The following KDM2B variants were observed in gnomAD, a reference collection of about 807,000 sequenced individuals.
The protein encoded by KDM2B is lysine-specific demethylase 2B.
A neutral mutation model predicts 150.0 loss-of-function variants in KDM2B; 26 were observed. That is an observed-to-expected ratio of 0.17 (90% confidence interval 0.13 to 0.24). The LOEUF (loss-of-function observed/expected upper bound fraction) is 0.24. Among genes scored for constraint, KDM2B ranks in the 10% least tolerant of loss-of-function variants. KDM2B has a pLI of 1.00. For synonymous variants in KDM2B, 734 were observed against 729.5 expected (o/e 1.01, Z -0.10); for missense variants, 1,265 against 1,816.9 (o/e 0.70, Z 5.52).
chr12:121,484,092 G>A (rs1258748641), intron 12 of KDM2B, among the ~76,000 whole-genome samples: 1 of 152,132 alleles, frequency 6.6e-6, no homozygotes, highest in Non-Finnish European at 1.5e-5. Flanking sequence ...GAGGAAGCTG[G>A]AGAAATCAAT....
chr12:121,478,167 G>A (rs528655148), intron 12 of KDM2B, among the ~76,000 whole-genome samples: 114 of 151,976 alleles, frequency 7.5e-4, no homozygotes, highest in African/African-American at 2.6e-3. Flanking sequence ...GAGCCACTGC[G>A]TCCAGCTTCC....
intron 12 of KDM2B, among the ~76,000 whole-genome samples, chr12:121,475,892 A>C (rs781846811): frequency 7.9e-5 from 12 of 151,540 alleles, no homozygotes; most frequent in Non-Finnish European, 1.5e-4. Flanking sequence ...GGCCAGGGGC[A>C]GTGGCTCACA....
chr12:121,442,696 G>A lies in KDM2B; in HGVS notation c.2745C>T (p.Pro915=), dbSNP rs1276456783. The change falls in exon 19 of 23, where the codon CCC becomes CCT. Residue 915 remains proline, a synonymous_variant. Coordinates refer to ENST00000377071, the MANE Select transcript of KDM2B (RefSeq NM_032590.5). This position sits in a 1 kb window ranked among gnomAD's most constrained non-coding sequence, Gnocchi z 7.7. The part of the protein sequence containing the change: ...RESDHSRSSS[P]TAGPSTEGAE... ...CCCCTTCGGTGCTGGGTCCCGCGGT[G>A]GGGGAGCTGGAGCGGGAGTGGTCGC... 4.4e-6 allele frequency: 7 copies of A among 1,596,008 alleles called. No individual in the cohort carries two copies. Among genetic ancestry groups the A allele is most frequent in the Non-Finnish European group, 6.0e-6 (7 of 1,171,720 alleles).
At chr12:121,438,253 C>CAAA (rs35874014) in intron 22 of KDM2B, among the ~76,000 whole-genome samples, 10 of 97,174 alleles carry the variant, frequency 1.0e-4, no homozygotes, top group African/African-American at 2.9e-4. Context: ...GGCTCCATCT[C>CAAA]AAAAAAAAAA....
Position 121,442,707 on chromosome 12 carries a change from A to T in KDM2B, c.2734T>A (p.Ser912Thr). The change falls in exon 19 of 23, where the codon TCC (serine) becomes ACC (threonine). Residue 912 changes from serine to threonine, a missense_variant. Physicochemically the swap from Ser to Thr is moderately conservative, Grantham distance 58. Around this residue, in one of 11 missense-constraint regions of KDM2B, gnomAD observed 418 missense variants for 402.4 expected, o/e 1.04. Transcript: ENST00000377071. The surrounding 1 kb of genome is among the most constrained non-coding windows in gnomAD (Gnocchi z 7.7). ...PKTRESDHSR[S>T]SSPTAGPSTE... ...CTGGGTCCCGCGGTGGGGGAGCTGG[A>T]GCGGGAGTGGTCGCTCTCCCTGGTC... is the stretch of plus-strand genomic sequence containing the variant. The T allele has an allele frequency of 3.2e-6, 5 of 1,581,458 alleles. No homozygotes were observed. Among genetic ancestry groups the T allele is most frequent in the South Asian group, 2.3e-5 (2 of 87,254 alleles).
At chr12:121,413,414 CCTT>C in the KDM2B span, among the ~76,000 whole-genome samples, 2 of 96,698 alleles carry the variant, frequency 2.1e-5, no homozygotes, top group East Asian at 3.9e-4. Flanking sequence ...TTTTACCTGT[CCTT>C]TTTTTTTTTT....
intron 6 of KDM2B, among the ~76,000 whole-genome samples, chr12:121,535,080 AT>A (rs1887977141): frequency 6.6e-6 from 1 of 151,996 alleles, no homozygotes; most frequent in African/African-American, 2.4e-5. Context: ...TCATCTCCTC[AT>A]TCATTCAACC....
At chr12:121,529,381 T>G (rs1395296121) in intron 8 of KDM2B, among the ~76,000 whole-genome samples, 1 of 152,120 alleles carries the variant, frequency 6.6e-6, no homozygotes, top group Non-Finnish European at 1.5e-5. Flanking sequence ...GAGGTCAGTG[T>G]GGCAGGAGGA....
At chr12:121,534,156 T>C (rs1028069952) in intron 7 of KDM2B, among the ~76,000 whole-genome samples, 7 of 152,136 alleles carry the variant, frequency 4.6e-5, no homozygotes, top group Admixed American at 1.3e-4. Flanking sequence ...GAGACCATCC[T>C]GGCTAACACG....
intron 11 of KDM2B, among the ~76,000 whole-genome samples, chr12:121,498,114 A>G (rs1884163733): frequency 6.6e-6 from 1 of 152,090 alleles, no homozygotes. Context: ...TAAATAAATA[A>G]ATAAATAAAG....
chr12:121,506,564 G>T (rs1342366392), intron 11 of KDM2B, among the ~76,000 whole-genome samples: 2 of 152,144 alleles, frequency 1.3e-5, no homozygotes, highest in African/African-American at 4.8e-5. Context: ...AAGTTCTGGG[G>T]AGGCCGAGGC....
rs185062650 is a variant in KDM2B, at chr12:121,561,488, C to G, written c.398-11850G>C. 1.2e-3 allele frequency among the ~76,000 whole-genome samples: 183 copies of G among 152,258 alleles called. 1 individual carries two copies. The highest frequency in any genetic ancestry group is 4.3e-3 in the African/African-American group (177 of 41,578). On this transcript the variant is annotated intron_variant, in intron 4 of 22. Coordinates refer to ENST00000377071, the MANE Select transcript of KDM2B (RefSeq NM_032590.5). ...AGTTCGAGTGATACGCCCGCCTCAGCCTCCCAAAGTGCTGGGGTTACAGGG... is the reference window on the plus strand; with the variant it reads ...AGTTCGAGTGATACGCCCGCCTCAGGCTCCCAAAGTGCTGGGGTTACAGGG...
downstream of KDM2B, chr12:121,424,210 GCTT>G (rs1872395405): frequency 6.5e-6 from 1 of 152,684 alleles, no homozygotes; most frequent in South Asian, 2.1e-4. Context: ...GCTGCATCTA[GCTT>G]CTTTTATTAG....
At chr12:121,433,112 C>T (rs781922201) in intron 22 of KDM2B, 1 of 456,374 alleles carries the variant, frequency 2.2e-6, no homozygotes, top group Admixed American at 2.3e-5. Context: ...TTTGGGCCCT[C>T]TTTGGAGGCT....
chr12:121,455,077 C>T (rs1486031928), intron 12 of KDM2B, among the ~76,000 whole-genome samples: 3 of 152,164 alleles, frequency 2.0e-5, no homozygotes, highest in African/African-American at 7.2e-5. Context: ...GCTGTCAACA[C>T]CTAAGCAGAC....
intron 2 of KDM2B, among the ~76,000 whole-genome samples, chr12:121,577,157 C>T (rs1466776833): frequency 3.9e-5 from 6 of 152,104 alleles, no homozygotes; most frequent in African/African-American, 1.4e-4. Flanking sequence ...GCCGGGAGAG[C>T]AGATCTAAGG....
At position 121,467,272 on chromosome 12, in the gene KDM2B, G is replaced by A; in HGVS notation, c.1735-13928C>T. 4.1e-6 allele frequency: 4 copies of A among 983,048 alleles called. No individual in the cohort carries two copies. The highest frequency in any genetic ancestry group is 4.8e-6 in the Non-Finnish European group (4 of 830,304). 60.9% of individuals were successfully genotyped at this position (983,048 alleles called of 1,614,324 possible). ...TGGCTGGAGCGGCGCCGCCGCCGCC[G>A]CCCGCCCGGAGCAGGCTCGGCTCGC... On this transcript the variant is annotated intron_variant, in intron 12 of 22. Coordinates refer to ENST00000377071, the MANE Select transcript of KDM2B (RefSeq NM_032590.5). This position sits in a 1 kb window ranked among gnomAD's most constrained non-coding sequence, Gnocchi z 5.1.
At position 121,430,380 on chromosome 12, in the gene KDM2B, T is replaced by C. The variant is rs1555285246; in HGVS notation, c.3919A>G (p.Thr1307Ala). The C allele has an allele frequency of 6.2e-7, 1 of 1,614,184 alleles. No individual in the cohort carries two copies. The highest frequency in any genetic ancestry group is 1.7e-5 in the Admixed American group (1 of 60,014). Residue 1307 changes from threonine (T) to alanine (A), a missense_variant, in exon 23 of 23, where the codon ACC becomes GCC. Thr to Ala is a moderately conservative substitution (Grantham distance 58). Around this residue, in one of 11 missense-constraint regions of KDM2B, gnomAD observed 251 missense variants for 397.8 expected, o/e 0.63. Coordinates refer to ENST00000377071, the MANE Select transcript of KDM2B (RefSeq NM_032590.5). This position sits in a 1 kb window ranked among gnomAD's most constrained non-coding sequence, Gnocchi z 4.4. Reference sequence around the variant, plus strand: ...ATGAACTGCTCACAGCCTTCCTTGGTGACTTGCTTGCAGTACCTCAGGTCA... The same window carrying C: ...ATGAACTGCTCACAGCCTTCCTTGGCGACTTGCTTGCAGTACCTCAGGTCA... ...HIDLRYCKQVTKEGCEQFIAE... is the reference protein window; with the variant it reads ...HIDLRYCKQVAKEGCEQFIAE...
chr12:121,518,375 C>T lies in KDM2B; in HGVS notation c.1047+2610G>A, dbSNP rs569918434. 3.3e-5 allele frequency among the ~76,000 whole-genome samples: 5 copies of T among 152,130 alleles called. No individual in the cohort carries two copies. The highest frequency in any genetic ancestry group is 2.1e-4 in the South Asian group (1 of 4,826). Reference sequence around the variant, plus strand: ...AAACAATTGGGCCTCGTAGCCAAGTCCCTCTCTCAAGACCAGAAATCAAGG... The same window carrying T: ...AAACAATTGGGCCTCGTAGCCAAGTTCCTCTCTCAAGACCAGAAATCAAGG... On this transcript the variant is annotated intron_variant, in intron 9 of 22. Coordinates refer to ENST00000377071, the MANE Select transcript of KDM2B (RefSeq NM_032590.5). This position sits in a 1 kb window ranked among gnomAD's most constrained non-coding sequence, Gnocchi z 4.4.
Sources: gnomAD v4.1 joint callset for allele counts (sites outside exome capture counted in the v4.1 genomes callset) on GRCh38, gnomAD v4.1.1 for gene constraint, gnomAD v4.1.1 regional missense constraint, Gnocchi (gnomAD v3.1) non-coding constraint, MANE v1.5 for transcripts, NCBI Gene and HGNC (gene_info 2026-07-23, HGNC 2026-07-21) for gene names.